The following KCTD1 variants were observed in gnomAD, a reference collection of about 807,000 sequenced individuals.
KCTD1 encodes the protein BTB/POZ domain-containing protein KCTD1.
Under a neutral mutation model 66.0 loss-of-function variants are expected in KCTD1, and 24 were observed. The ratio of observed to expected loss-of-function variants is 0.36; its 90% CI spans 0.26 to 0.51. KCTD1 has a LOEUF of 0.51. KCTD1 is among the 20% of genes least tolerant of loss of function. KCTD1 has a pLI of 0.95. For synonymous variants in KCTD1, 511 were observed against 517.2 expected (o/e 0.99, Z 0.16); for missense variants, 943 against 1,205.2 (o/e 0.78, Z 3.22).
intron 4 of KCTD1, 129 bp downstream of exon 4, chr18:26,459,491 C>G: frequency 1.2e-6 from 1 of 844,866 alleles, no homozygotes; most frequent in Non-Finnish European, 1.8e-6. Context: ...TGATAATTCA[C>G]CTACCCAACA....
At chr18:26,549,536 TC>T (rs2144849338), upstream of KCTD1, 2 of 875,492 alleles carry the variant, frequency 2.3e-6, no homozygotes, top group Non-Finnish European at 2.7e-6. Flanking sequence ...CAGGGACCCT[TC>T]CCCACCCGCC....
chr18:26,572,068 T>G (rs1377598619), intron 1 of KCTD1, among the ~76,000 whole-genome samples: 1 of 151,872 alleles, frequency 6.6e-6, no homozygotes, highest in Non-Finnish European at 1.5e-5. Flanking sequence ...TTGTTGTTTT[T>G]TTTTTTTTTG....
chr18:26,593,336 A>AGAGGAG (rs1450558108), intron 1 of KCTD1, among the ~76,000 whole-genome samples: 36 of 115,406 alleles, frequency 3.1e-4, no homozygotes, highest in Middle Eastern at 4.7e-3. Context: ...AGGAGGAGGA[A>AGAGGAG]GAGGAGGAAG....
chr18:26,464,761 A>G (rs950242138), intron 3 of KCTD1, among the ~76,000 whole-genome samples: 1 of 152,146 alleles, frequency 6.6e-6, no homozygotes, highest in Non-Finnish European at 1.5e-5. Context: ...CCCCAGGCTT[A>G]GGGGGCAGTG....
At chr18:26,469,868 G>C (rs180731882) in intron 3 of KCTD1, among the ~76,000 whole-genome samples, 1 of 152,236 alleles carries the variant, frequency 6.6e-6, no homozygotes, top group East Asian at 1.9e-4. Context: ...AGAATCGCTT[G>C]AACCTGTGAG....
At chr18:26,574,517 G>A (rs1263273157) in intron 1 of KCTD1, among the ~76,000 whole-genome samples, 1 of 152,226 alleles carries the variant, frequency 6.6e-6, no homozygotes, top group Non-Finnish European at 1.5e-5. Flanking sequence ...TGCCTCCCAG[G>A]TAGCTTTGAG....
chr18:26,511,546 C>T (rs1309121113), intron 1 of KCTD1, among the ~76,000 whole-genome samples: 3 of 152,178 alleles, frequency 2.0e-5, no homozygotes, highest in Admixed American at 6.5e-5. Flanking sequence ...AATGAAACAG[C>T]GTCTAACATG....
intron 1 of KCTD1, among the ~76,000 whole-genome samples, chr18:26,603,938 C>T (rs1986956496): frequency 6.6e-6 from 1 of 151,840 alleles, no homozygotes; most frequent in Non-Finnish European, 1.5e-5. Flanking sequence ...CTTCTGCACA[C>T]AGAAAAAAGA....
In KCTD1 at chr18:26,548,348, CTCCTCCTCCTCT is replaced by C; in HGVS notation, c.177_188del (p.Glu60_Glu63del). ...TTATCTGCACCTCCTGGATCTCGTC[CTCCTCCTCCTCT>C]TCCTCCTCCTCCTCGCCCGCGCTGC... is the stretch of plus-strand genomic sequence containing the variant. On this transcript the variant is annotated inframe_deletion, in exon 1 of 5. Transcript: ENST00000580059. The C allele has an allele frequency of 1.4e-6, 2 of 1,473,840 alleles. No homozygotes were observed. The highest frequency in any genetic ancestry group is 1.8e-6 in the Non-Finnish European group (2 of 1,111,422). The allele number at this position is 1,473,840 out of a possible 1,614,324, so 91.3% of individuals were successfully genotyped here.
At chr18:26,608,563 C>T (rs956172508) in intron 1 of KCTD1, among the ~76,000 whole-genome samples, 1 of 152,188 alleles carries the variant, frequency 6.6e-6, no homozygotes, top group African/African-American at 2.4e-5. Flanking sequence ...CACAGCAGTC[C>T]ATATGGGGCA....
At chr18:26,469,199 T>C (rs1384628299) in intron 3 of KCTD1, among the ~76,000 whole-genome samples, 1 of 151,848 alleles carries the variant, frequency 6.6e-6, no homozygotes, top group Non-Finnish European at 1.5e-5. Context: ...AAGCGTGGGT[T>C]ACAGCTAAAT....
At chr18:26,497,432 C>T (rs1487488480) in intron 2 of KCTD1, among the ~76,000 whole-genome samples, 1 of 152,066 alleles carries the variant, frequency 6.6e-6, no homozygotes, top group Non-Finnish European at 1.5e-5. Context: ...GATTCCATGG[C>T]CATGGGCAAC....
chr18:26,651,171 G>A (rs1261572525), intron 1 of KCTD1, among the ~76,000 whole-genome samples: 1 of 152,186 alleles, frequency 6.6e-6, no homozygotes, highest in Non-Finnish European at 1.5e-5. Flanking sequence ...AGATACAGAG[G>A]TGGGGGCGAA....
At chr18:26,607,448 G>T (rs543505536) in intron 1 of KCTD1, among the ~76,000 whole-genome samples, 1 of 152,196 alleles carries the variant, frequency 6.6e-6, no homozygotes. Context: ...CCTATCCTAT[G>T]ATGTGCACCA....
chr18:26,590,123 G>A (rs1467449450), intron 1 of KCTD1, among the ~76,000 whole-genome samples: 5 of 151,950 alleles, frequency 3.3e-5, no homozygotes, highest in Admixed American at 6.6e-5. Flanking sequence ...TTACTGTGTC[G>A]CCCAGGCTGG....
intron 1 of KCTD1, among the ~76,000 whole-genome samples, chr18:26,519,228 T>C (rs535884055): frequency 6.6e-5 from 10 of 152,324 alleles, no homozygotes; most frequent in African/African-American, 1.9e-4. Flanking sequence ...TGGTCTTAGA[T>C]AGTCACTGCT....
chr18:26,576,243 T>C (rs970861773), intron 1 of KCTD1, among the ~76,000 whole-genome samples: 1 of 152,160 alleles, frequency 6.6e-6, no homozygotes, highest in East Asian at 1.9e-4. Flanking sequence ...AAGACAAAAA[T>C]TGCATTGTTT....
intron 1 of KCTD1, among the ~76,000 whole-genome samples, chr18:26,610,284 T>G (rs559115821): frequency 6.6e-6 from 1 of 152,308 alleles, no homozygotes; most frequent in East Asian, 1.9e-4. Flanking sequence ...TTGAAAAGAC[T>G]ATCTTTGGCC....
upstream of KCTD1, among the ~76,000 whole-genome samples, chr18:26,632,045 G>A (rs144454708): frequency 6.1e-3 from 871 of 143,518 alleles, 12 homozygotes; most frequent in African/African-American, 0.021. Context: ...GTGAGACTCC[G>A]TCTCAAAACA....
Sources: allele counts gnomAD v4.1 joint callset (sites outside exome capture counted in the v4.1 genomes callset), GRCh38; gene constraint gnomAD v4.1.1; transcripts MANE v1.5; gene names NCBI Gene and HGNC (gene_info 2026-07-23, HGNC 2026-07-21).